The following SNRPA variants were observed in gnomAD, a reference collection of about 807,000 sequenced individuals.
The protein encoded by SNRPA is U1 small nuclear ribonucleoprotein A.
In SNRPA, 10 loss-of-function variants were observed where a neutral mutation model predicts 24.5. The ratio of observed to expected loss-of-function variants is 0.41; its 90% CI spans 0.25 to 0.69. The LOEUF (loss-of-function observed/expected upper bound fraction) is 0.69, where lower values mean the gene tolerates loss of function less well. SNRPA is among the 30% of genes least tolerant of loss of function. The pLI, the probability that SNRPA is intolerant of heterozygous loss-of-function variation, is 0.33. For synonymous variants in SNRPA, 165 were observed against 148.4 expected, an observed-to-expected ratio of 1.11 and a Z score of -0.81; for missense variants, 283 against 394.7, an observed-to-expected ratio of 0.72 and a Z score of 2.40.
At chr19:40,764,510 A>G (rs999972982) in intron 5 of SNRPA, among the ~76,000 whole-genome samples, 3 of 152,094 alleles carry the variant, frequency 2.0e-5, no homozygotes, top group African/African-American at 7.2e-5. Context: ...GAAGAGGGAA[A>G]TTAGAGAAAC....
intron 1 of SNRPA, chr19:40,757,103 G>T: frequency 1.8e-6 from 1 of 542,810 alleles, no homozygotes; most frequent in Non-Finnish European, 3.3e-6. Flanking sequence ...TTGCATGTAT[G>T]TGCACATGTT....
intron 4 of SNRPA, 137 bp downstream of exon 4, chr19:40,763,211 A>G: frequency 1.5e-6 from 1 of 654,638 alleles, no homozygotes; most frequent in Non-Finnish European, 2.6e-6. Flanking sequence ...ATGAGGAAGT[A>G]GCAGTGGGGG....
chr19:40,754,090 A>C (rs1447940660), intron 1 of SNRPA, among the ~76,000 whole-genome samples: 1 of 134,936 alleles, frequency 7.4e-6, no homozygotes, highest in African/African-American at 2.8e-5. Context: ...CGTCAGCCCC[A>C]GCGCCCGGCG....
At position 40,763,032 on chromosome 19, in the gene SNRPA, C is replaced by T; in HGVS notation, c.558C>T (p.Pro186=). Residue 186 remains proline, a synonymous_variant, in exon 4 of 6, where the codon CCC becomes CCT. Transcript: ENST00000243563. ...GCCAGATCCCACCAGGGGCCATGCC[C>T]CCGCAGCAGCTTATGCCAGGACAGA... ...APGQIPPGAM[P]PQQLMPGQMP... The T allele has an allele frequency of 1.2e-6, 2 of 1,604,702 alleles. No individual in the cohort carries two copies. Among genetic ancestry groups the T allele is most frequent in the East Asian group, 2.2e-5 (1 of 44,810 alleles).
chr19:40,757,549 A>G, intron 2 of SNRPA, 45 bp downstream of exon 2: 1 of 1,542,710 alleles, frequency 6.5e-7, no homozygotes, highest in Non-Finnish European at 8.8e-7. Context: ...GTAAAATGTT[A>G]TAGGAGACTG....
At position 40,759,398 on chromosome 19, in the gene SNRPA, C is replaced by T. The variant is rs770610345; in HGVS notation, c.247-33C>T. Reference sequence around the variant, plus strand: ...TCTTGGCAATTGGGCTCTGAATCCACGCTCTTAACCCGTTCTGCTCTCTGT... The same window carrying T: ...TCTTGGCAATTGGGCTCTGAATCCATGCTCTTAACCCGTTCTGCTCTCTGT... On this transcript the variant is annotated intron_variant, in intron 2 of 5. Coordinates refer to ENST00000243563, the MANE Select transcript of SNRPA (RefSeq NM_004596.5). The T allele has an allele frequency of 2.4e-5, 38 of 1,552,326 alleles. No individual in the cohort carries two copies. The Admixed American group carries it at 2.8e-4, about 11-fold the overall frequency.
At chr19:40,751,673 C>T (rs1599723217) in intron 1 of SNRPA, 192 bp downstream of exon 1, 1 of 574,798 alleles carries the variant, frequency 1.7e-6, no homozygotes, top group Non-Finnish European at 3.2e-6. Flanking sequence ...TTAACGTGGT[C>T]ACTGCTGCTC....
intron 3 of SNRPA, among the ~76,000 whole-genome samples, chr19:40,761,367 A>G (rs1162337968): frequency 2.0e-5 from 3 of 151,802 alleles, no homozygotes; most frequent in Non-Finnish European, 4.4e-5. Flanking sequence ...CTCATACTAT[A>G]TGCAAAATAT....
At chr19:40,754,727 A>G (rs1322232154) in intron 1 of SNRPA, among the ~76,000 whole-genome samples, 2 of 152,274 alleles carry the variant, frequency 1.3e-5, no homozygotes, top group African/African-American at 4.8e-5. Flanking sequence ...CTGGTGGCTC[A>G]TGGCTGTGAG....
Position 40,758,155 on chromosome 19 carries a change from C to T in SNRPA, c.246+651C>T, listed in dbSNP as rs563667335. Among the ~76,000 whole-genome samples the T allele has an allele frequency of 9.2e-5, 14 of 151,402 alleles. No individual in the cohort carries two copies. The East Asian group carries it at 2.4e-3, about 26-fold the overall frequency. ...CTGATTTTTTTATTTTTAGTAGAGACGGGGTTTCGCCATGTTGCCCAGGCT... is the reference window on the plus strand; with the variant it reads ...CTGATTTTTTTATTTTTAGTAGAGATGGGGTTTCGCCATGTTGCCCAGGCT... On this transcript the variant is annotated intron_variant, in intron 2 of 5. Transcript: ENST00000243563.
rs1294976559 is a variant in SNRPA at position 40,764,937 on chromosome 19, G to A, written c.690-71G>A. 2.1e-6 allele frequency: 3 copies of A among 1,408,856 alleles called. No individual in the cohort carries two copies. The African/African-American group carries it at 4.4e-5, about 21-fold the overall frequency. The allele number at this position is 1,408,856 out of a possible 1,614,324, so 87.3% of individuals were successfully genotyped here. ...TGGAGGCTATTTGGCATCATTTCTG[G>A]CCTCTGTCCACTTGATGCCGTTACG... On this transcript the variant is annotated intron_variant, in intron 5 of 5. Coordinates refer to ENST00000243563, the MANE Select transcript of SNRPA (RefSeq NM_004596.5).
chr19:40,756,274 A>G (rs1253099666), intron 1 of SNRPA, among the ~76,000 whole-genome samples: 2 of 151,868 alleles, frequency 1.3e-5, no homozygotes, highest in East Asian at 3.9e-4. Context: ...GTCTTTAAAA[A>G]AAAAAAAAGG....
intron 1 of SNRPA, chr19:40,757,109 A>G (rs1191562097): frequency 1.3e-5 from 7 of 551,452 alleles, no homozygotes; most frequent in Non-Finnish European, 2.3e-5. Flanking sequence ...GTATGTGCAC[A>G]TGTTCATTAT....
intron 3 of SNRPA, among the ~76,000 whole-genome samples, chr19:40,762,054 C>A (rs2145015111): frequency 6.6e-6 from 1 of 152,202 alleles, no homozygotes; most frequent in East Asian, 1.9e-4. Context: ...TAACCTCTCT[C>A]CTCTTCCCTG....
At chr19:40,761,630 C>T (rs540846311) in intron 3 of SNRPA, among the ~76,000 whole-genome samples, 1 of 151,696 alleles carries the variant, frequency 6.6e-6, no homozygotes, top group African/African-American at 2.4e-5. Context: ...CCACACCCAG[C>T]TAATTTTTGT....
At chr19:40,763,781 G>A in intron 5 of SNRPA, 106 bp downstream of exon 5, 1 of 954,022 alleles carries the variant, frequency 1.0e-6, no homozygotes, top group Non-Finnish European at 1.7e-6. Flanking sequence ...AGCCAAGTAG[G>A]GCTTTGCAGA....
chr19:40,757,946 A>AAAATAAATAAATAAAT (rs202048036), intron 2 of SNRPA, among the ~76,000 whole-genome samples: 4 of 149,468 alleles, frequency 2.7e-5, no homozygotes, highest in African/African-American at 1.0e-4. Flanking sequence ...TGTCTCAGAA[A>AAAATAAATAAATAAAT]AAATAAATAA....
At position 40,757,247 on chromosome 19, in the gene SNRPA, C is replaced by G; in HGVS notation, c.74-85C>G. The G allele has an allele frequency of 2.3e-6, 3 of 1,317,658 alleles. No individual in the cohort carries two copies. The South Asian group carries it at 3.7e-5, about 16-fold the overall frequency. The allele number at this position is 1,317,658 out of a possible 1,614,324, so 81.6% of individuals were successfully genotyped here. The stretch of plus-strand genomic sequence containing the variant: ...TATGGACCCGAGGCATTCTGGGTAC[C>G]CCATCAATTGGCTGATGGTCTTCTA... On this transcript the variant is annotated intron_variant, in intron 1 of 5. Coordinates refer to ENST00000243563, the MANE Select transcript of SNRPA (RefSeq NM_004596.5).
At position 40,762,989 on chromosome 19, in the gene SNRPA, C is replaced by T. The variant is rs774679356; in HGVS notation, c.515C>T (p.Pro172Leu). Residue 172 changes from proline (P) to leucine (L), a missense_variant, in exon 4 of 6, where the codon CCG (proline) becomes CTG (leucine). This residue lies in a region of SNRPA where 167 missense variants were observed against 174.3 expected (regional missense o/e 0.96). Transcript: ENST00000243563. ...PYMPPPGMIP[P>L]PGLAPGQIPP... is the part of the protein sequence containing the mutation. ...ATGCCGCCCCCTGGTATGATCCCCC[C>T]GCCAGGCCTTGCACCTGGCCAGATC... is the stretch of plus-strand genomic sequence containing the variant. 1 of 1,611,880 alleles carries T rather than the reference C, an allele frequency of 6.2e-7. No individual in the cohort carries two copies. The highest frequency in any genetic ancestry group is 2.2e-5 in the East Asian group (1 of 44,866).
Sources: allele counts gnomAD v4.1 joint callset (sites outside exome capture counted in the v4.1 genomes callset), GRCh38; gene constraint gnomAD v4.1.1; regional missense constraint gnomAD v4.1.1; transcripts MANE v1.5; gene names NCBI Gene and HGNC (gene_info 2026-07-23, HGNC 2026-07-21).